The following IPPK variants were observed in gnomAD, a reference collection of about 807,000 sequenced individuals.
The protein encoded by IPPK is inositol-pentakisphosphate 2-kinase.
A neutral mutation model predicts 64.6 loss-of-function variants in IPPK; 22 were observed. The ratio of observed to expected loss-of-function variants is 0.34; its 90% confidence interval spans 0.24 to 0.49. IPPK has a LOEUF of 0.49. Ranked by LOEUF, IPPK falls within the 20% of genes least tolerant of loss-of-function variation. The pLI is 0.99. For missense variants in IPPK, 532 were observed against 630.7 expected (o/e 0.84, Z 1.68); for synonymous variants, 262 against 247.2 (o/e 1.06, Z -0.56).
intron 11 of IPPK, among the ~76,000 whole-genome samples, chr9:92,628,849 C>G (rs771691014): frequency 1.7e-4 from 26 of 151,878 alleles, no homozygotes; most frequent in Non-Finnish European, 2.6e-4. Flanking sequence ...CACTGTACTC[C>G]ATCCTGGGTG....
intron 7 of IPPK, 56 bp from the exon 8 acceptor site, chr9:92,640,838 G>GCA: frequency 8.4e-7 from 1 of 1,197,508 alleles, no homozygotes; most frequent in Non-Finnish European, 1.2e-6. Flanking sequence ...ACCTGTCCCT[G>GCA]CACACACACC....
intron 12 of IPPK, chr9:92,617,931 G>T (rs1181591680): frequency 1.4e-5 from 4 of 281,432 alleles, no homozygotes; most frequent in Non-Finnish European, 2.8e-5. Context: ...TTTATTTTAG[G>T]GGGTGTAAGA....
chr9:92,637,968 C>T, intron 9 of IPPK, 33 bp downstream of exon 9: 2 of 1,497,266 alleles, frequency 1.3e-6, no homozygotes, highest in South Asian at 2.6e-5. Flanking sequence ...CCCTGCGGCC[C>T]CCACCGCCTA....
intron 3 of IPPK, among the ~76,000 whole-genome samples, chr9:92,655,151 T>C (rs887634990): frequency 4.6e-5 from 7 of 152,192 alleles, no homozygotes; most frequent in Admixed American, 3.9e-4. Flanking sequence ...CACGGTCTCA[T>C]CACAGGGCTG....
At position 92,669,990 on chromosome 9, in the gene IPPK, C is replaced by T. The variant is rs1160797358; in HGVS notation, c.-2G>A. 3 of 1,609,904 alleles carry T rather than the reference C, an allele frequency of 1.9e-6. No individual in the cohort carries two copies. Among genetic ancestry groups the T allele is most frequent in the Non-Finnish European group, 1.7e-6 (2 of 1,178,052 alleles). On this transcript the variant is annotated 5_prime_UTR_variant, in exon 1 of 13. Transcript: ENST00000287996. The stretch of plus-strand genomic sequence containing the variant: ...CTCGTCCATCTTCCCCTCTTCCATG[C>T]CCAGGCGCAGCCCTGGCGCCTCGCG...
Position 92,613,777 on chromosome 9 carries a change from T to C in IPPK, c.*2055A>G, listed in dbSNP as rs1377248373. The stretch of plus-strand genomic sequence containing the variant: ...TGTTCCTGGGCTGGGACGCAAGGAA[T>C]GAGGTCCTTTATGAAAGAAAGACCC... On this transcript the variant is annotated 3_prime_UTR_variant, in exon 13 of 13. Transcript: ENST00000287996. 6.5e-6 allele frequency: 1 copy of C among 153,848 alleles called. No homozygotes were observed. The highest frequency in any genetic ancestry group is 1.4e-5 in the Non-Finnish European group (1 of 69,052). The allele number at this position is 153,848 out of a possible 1,614,324, so 9.5% of individuals were successfully genotyped here.
rs989472364 is a variant in IPPK at position 92,613,256 on chromosome 9, C to T, written c.*2576G>A. 35 of 1,342,080 alleles carry T rather than the reference C, an allele frequency of 2.6e-5. No homozygotes were observed. Among genetic ancestry groups the T allele is most frequent in the African/African-American group, 2.2e-4 (15 of 69,468 alleles). 83.1% of individuals were successfully genotyped at this position (1,342,080 alleles called of 1,614,324 possible). On this transcript the variant is annotated 3_prime_UTR_variant, in exon 13 of 13. Coordinates refer to ENST00000287996, the MANE Select transcript of IPPK (RefSeq NM_022755.6). ...CTGCTTAGAAACCACACCCTGAAGA[C>T]GTGCTGTCTATGCAGTTATGGCACA...
intron 11 of IPPK, among the ~76,000 whole-genome samples, chr9:92,632,597 A>C (rs1851865483): frequency 1.3e-5 from 2 of 152,238 alleles, no homozygotes; most frequent in African/African-American, 4.8e-5. Context: ...TTTATACCTA[A>C]ATCAACGTAC....
intron 6 of IPPK, among the ~76,000 whole-genome samples, chr9:92,643,820 A>C (rs1852098429): frequency 6.6e-6 from 1 of 152,262 alleles, no homozygotes; most frequent in African/African-American, 2.4e-5. Context: ...TTCCACCTGA[A>C]TTACATGCAT....
At position 92,615,773 on chromosome 9, in the gene IPPK, A is replaced by C. The variant is rs1851409285; in HGVS notation, c.*59T>G. On this transcript the variant is annotated 3_prime_UTR_variant, in exon 13 of 13. Coordinates refer to ENST00000287996, the MANE Select transcript of IPPK (RefSeq NM_022755.6). ...AAGGTCACCCAACACAACAGAAAAT[A>C]TCTCTATCATTCAGCCTTCACATTA... The C allele has an allele frequency of 1.5e-6, 2 of 1,375,872 alleles. No individual in the cohort carries two copies. The highest frequency in any genetic ancestry group is 2.1e-6 in the Non-Finnish European group (2 of 969,926). The allele number at this position is 1,375,872 out of a possible 1,614,324, so 85.2% of individuals were successfully genotyped here.
In IPPK at chr9:92,635,003, C is replaced by T. The variant is rs1407670455; in HGVS notation, c.1067+155G>A. Reference sequence around the variant, plus strand: ...CTTTACAAGGCACTACATTCCAGAGCAGGCCTGGGCACCTGGGAGCGGAGG... The same window carrying T: ...CTTTACAAGGCACTACATTCCAGAGTAGGCCTGGGCACCTGGGAGCGGAGG... On this transcript the variant is annotated intron_variant, in intron 10 of 12. Transcript: ENST00000287996. The surrounding 1 kb of genome is among the most constrained non-coding windows in gnomAD (Gnocchi z 4.4). 6.6e-6 allele frequency among the ~76,000 whole-genome samples: 1 copy of T among 152,248 alleles called. No homozygotes were observed. The highest frequency in any genetic ancestry group is 2.4e-5 in the African/African-American group (1 of 41,458).
intron 1 of IPPK, among the ~76,000 whole-genome samples, chr9:92,661,634 C>A (rs548152584): frequency 6.6e-6 from 1 of 152,218 alleles, no homozygotes. Flanking sequence ...AGAGCCACAA[C>A]CAACCAAGGA....
chr9:92,625,652 G>GC (rs1159382330), intron 11 of IPPK, among the ~76,000 whole-genome samples: 2 of 152,170 alleles, frequency 1.3e-5, no homozygotes, highest in African/African-American at 4.8e-5. Context: ...ACAAAGAGCT[G>GC]CAACTAGAGT....
Position 92,634,444 on chromosome 9 carries a change from T to C in IPPK, c.1112A>G (p.Gln371Arg), listed in dbSNP as rs1271914956. 6.2e-7 allele frequency: 1 copy of C among 1,614,050 alleles called. No individual in the cohort carries two copies. Among genetic ancestry groups the C allele is most frequent in the Non-Finnish European group, 8.5e-7 (1 of 1,179,990 alleles). The part of the protein sequence containing the change: ...IDGPYDEAFY[Q>R]KLLDLSTEDD... ...CTCAGTGGAAAGGTCAAGCAGCTTCTGGTAAAATGCTTCATCATAAGGCCC... is the reference window on the plus strand; with the variant it reads ...CTCAGTGGAAAGGTCAAGCAGCTTCCGGTAAAATGCTTCATCATAAGGCCC... Residue 371 changes from glutamine to arginine, a missense_variant, in exon 11 of 13, where the codon CAG (glutamine) becomes CGG (arginine). Transcript: ENST00000287996.
At chr9:92,661,112 T>A (rs887620152) in intron 1 of IPPK, among the ~76,000 whole-genome samples, 1 of 152,204 alleles carries the variant, frequency 6.6e-6, no homozygotes, top group Non-Finnish European at 1.5e-5. Context: ...GCTACACTCC[T>A]AAACTCCATC....
chr9:92,640,260 G>C (rs931716944), intron 8 of IPPK, among the ~76,000 whole-genome samples: 14 of 151,968 alleles, frequency 9.2e-5, no homozygotes, highest in South Asian at 6.2e-4. Flanking sequence ...TCTCTCCCCA[G>C]CAGCCTCTCC....
chr9:92,615,872 T>G lies in IPPK; in HGVS notation c.1436A>C (p.Lys479Thr). ...AACTAATGTGCAATCTTCGCTTTCCTTGAACCGAGTCGACATCACGGCGTT... is the reference window on the plus strand; with the variant it reads ...AACTAATGTGCAATCTTCGCTTTCCGTGAACCGAGTCGACATCACGGCGTT... The part of the protein sequence containing the change: ...KDNAVMSTRF[K>T]ESEDCTLVLH... Residue 479 changes from lysine to threonine, a missense_variant, in exon 13 of 13, where the codon AAG becomes ACG. By Grantham distance (78) the Lys-to-Thr change is moderately conservative. Coordinates refer to ENST00000287996, the MANE Select transcript of IPPK (RefSeq NM_022755.6). 6.2e-7 allele frequency: 1 copy of G among 1,614,186 alleles called. No homozygotes were observed. The highest frequency in any genetic ancestry group is 8.5e-7 in the Non-Finnish European group (1 of 1,180,008).
At chr9:92,619,213 A>T (rs1376310006) in intron 12 of IPPK, 1 of 396,398 alleles carries the variant, frequency 2.5e-6, no homozygotes, top group Non-Finnish European at 4.7e-6. Flanking sequence ...ATTGTTTCTG[A>T]GCTCTTGGGA....
chr9:92,654,037 T>C (rs542579092), intron 3 of IPPK, among the ~76,000 whole-genome samples: 1 of 152,080 alleles, frequency 6.6e-6, no homozygotes, highest in Non-Finnish European at 1.5e-5. Flanking sequence ...ACAGCACATA[T>C]GGCTGGGAGA....
Sources: gnomAD v4.1 joint callset for allele counts (sites outside exome capture counted in the v4.1 genomes callset) on GRCh38, gnomAD v4.1.1 for gene constraint, Gnocchi (gnomAD v3.1) non-coding constraint, MANE v1.5 for transcripts, NCBI Gene and HGNC (gene_info 2026-07-23, HGNC 2026-07-21) for gene names.